The following CCSER1 variants were observed in gnomAD, a reference collection of about 807,000 sequenced individuals.
CCSER1 encodes serine-rich coiled-coil domain-containing protein 1.
Under a neutral mutation model 82.0 loss-of-function variants are expected in CCSER1, and 41 were observed. That is an observed-to-expected ratio of 0.50 (90% CI 0.39 to 0.65). CCSER1 has a LOEUF of 0.65. CCSER1 is among the 30% of genes least tolerant of loss of function. The pLI, the probability that CCSER1 is intolerant of heterozygous loss-of-function variation, is 0.00. For missense variants in CCSER1, 1,119 were observed against 1,064.2 expected (o/e 1.05, Z -0.72); for synonymous variants, 414 against 383.9 (o/e 1.08, Z -0.92).
intron 10 of CCSER1, among the ~76,000 whole-genome samples, chr4:91,125,344 A>T (rs2148898231): frequency 6.6e-6 from 1 of 151,812 alleles, no homozygotes; most frequent in South Asian, 2.1e-4. Flanking sequence ...TGGCAATTTT[A>T]TTTTTAGTAG....
rs536297250 is a variant in CCSER1 at position 90,589,639 on chromosome 4, CTATAA to C, written c.1725-38382_1725-38378del. Among the ~76,000 whole-genome samples, 171 of 152,022 alleles carry C rather than the reference CTATAA, an allele frequency of 1.1e-3. 1 individual carries two copies. The highest frequency in any genetic ancestry group is 5.8e-3 in the South Asian group (28 of 4,826). On this transcript the variant is annotated intron_variant, in intron 5 of 10. Coordinates refer to ENST00000509176, the MANE Select transcript of CCSER1 (RefSeq NM_001145065.2). Reference sequence around the variant, plus strand: ...TTACATTTATTATGATAAAATGTTGCTATAATATGAGTTCATTATATGAAGCTCTG... The same window carrying C: ...TTACATTTATTATGATAAAATGTTGCTATGAGTTCATTATATGAAGCTCTG...
intron 10 of CCSER1, among the ~76,000 whole-genome samples, chr4:91,550,431 C>T (rs1472726495): frequency 1.3e-5 from 2 of 152,156 alleles, no homozygotes; most frequent in African/African-American, 4.8e-5. Context: ...GAAGTTTCTG[C>T]TCTGATAAGT....
intron 9 of CCSER1, among the ~76,000 whole-genome samples, chr4:90,953,211 A>T (rs946006373): frequency 6.6e-6 from 1 of 152,000 alleles, no homozygotes; most frequent in Admixed American, 6.6e-5. Context: ...TTGGCATATT[A>T]GTGGCAAAGT....
At chr4:91,567,356 T>A (rs975314296) in intron 10 of CCSER1, among the ~76,000 whole-genome samples, 27 of 152,152 alleles carry the variant, frequency 1.8e-4, no homozygotes, top group Non-Finnish European at 2.6e-4. Context: ...ATGTATATTT[T>A]GTTGTTTTAA....
chr4:90,333,437 A>G (rs1447905632), intron 3 of CCSER1, among the ~76,000 whole-genome samples: 3 of 152,194 alleles, frequency 2.0e-5, no homozygotes, highest in Non-Finnish European at 2.9e-5. Context: ...AAACGAAACA[A>G]AAAAAGAAAT....
At chr4:90,666,372 A>G (rs4693245) in intron 6 of CCSER1, among the ~76,000 whole-genome samples, 69,773 of 152,026 alleles carry the variant, frequency 0.46, 16,413 homozygotes, top group Middle Eastern at 0.59. Flanking sequence ...TCTGCCTACC[A>G]TGGTGGTTGA....
intron 10 of CCSER1, among the ~76,000 whole-genome samples, chr4:91,321,891 C>G (rs796712489): frequency 2.0e-5 from 3 of 151,976 alleles, no homozygotes; most frequent in African/African-American, 7.2e-5. Flanking sequence ...AAAAGTTTTC[C>G]TTTTACAAGT....
At position 91,221,018 on chromosome 4, in the gene CCSER1, A is replaced by G. The variant is rs185610374; in HGVS notation, c.2217+135024A>G. Among the ~76,000 whole-genome samples, 30 of 152,286 alleles carry G rather than the reference A, an allele frequency of 2.0e-4. No individual in the cohort carries two copies. The East Asian group carries it at 5.4e-3, about 27-fold the overall frequency. On this transcript the variant is annotated intron_variant, in intron 10 of 10. Transcript: ENST00000509176. ...ATATATTAATTTAGTTAAATAAACT[A>G]AAATCTCTAGGGATTAAGCTACCTT...
intron 3 of CCSER1, among the ~76,000 whole-genome samples, chr4:90,392,816 A>G (rs1332439011): frequency 6.6e-6 from 1 of 152,190 alleles, no homozygotes; most frequent in Non-Finnish European, 1.5e-5. Context: ...TGTGGCTGCT[A>G]TGCTGAGAGT....
intron 5 of CCSER1, among the ~76,000 whole-genome samples, chr4:90,569,044 G>T (rs1037127447): frequency 5.9e-5 from 9 of 151,960 alleles, no homozygotes; most frequent in African/African-American, 1.9e-4. Flanking sequence ...GAGCCACCAT[G>T]CCTGGCCTCT....
intron 10 of CCSER1, among the ~76,000 whole-genome samples, chr4:91,384,268 A>G (rs1022664813): frequency 5.9e-5 from 9 of 152,056 alleles, no homozygotes; most frequent in African/African-American, 2.2e-4. Context: ...GAGTGAATCC[A>G]TGGTTGACAA....
At chr4:91,380,102 G>A (rs1012442280) in intron 10 of CCSER1, among the ~76,000 whole-genome samples, 25 of 152,120 alleles carry the variant, frequency 1.6e-4, no homozygotes, top group African/African-American at 6.0e-4. Context: ...TTGCACTGTG[G>A]TCTGAGAGAC....
At chr4:90,994,720 A>G (rs1210666442) in intron 9 of CCSER1, among the ~76,000 whole-genome samples, 2 of 152,186 alleles carry the variant, frequency 1.3e-5, no homozygotes, top group Non-Finnish European at 2.9e-5. Flanking sequence ...CCAATATGCT[A>G]AACATATGCT....
intron 5 of CCSER1, among the ~76,000 whole-genome samples, chr4:90,478,884 G>A (rs1028085546): frequency 6.6e-6 from 1 of 151,804 alleles, no homozygotes; most frequent in African/African-American, 2.4e-5. Context: ...GGGATTATAG[G>A]CACGTGCCAC....
chr4:91,207,135 T>TATC, intron 10 of CCSER1, among the ~76,000 whole-genome samples: 1 of 151,952 alleles, frequency 6.6e-6, no homozygotes, highest in Admixed American at 6.6e-5. Flanking sequence ...TAGTTTGATA[T>TATC]ATCATTGGAT....
chr4:90,539,051 T>C (rs1487430703), intron 5 of CCSER1, among the ~76,000 whole-genome samples: 1 of 152,076 alleles, frequency 6.6e-6, no homozygotes, highest in Non-Finnish European at 1.5e-5. Flanking sequence ...GTATAATTTC[T>C]ATCATAACTT....
At chr4:91,142,939 T>G (rs1729176916) in intron 10 of CCSER1, among the ~76,000 whole-genome samples, 1 of 139,778 alleles carries the variant, frequency 7.2e-6, no homozygotes, top group Admixed American at 7.4e-5. Flanking sequence ...TTCTTTTTGC[T>G]TAGGGTTAAT....
chr4:91,168,182 C>T (rs377081043), intron 10 of CCSER1, among the ~76,000 whole-genome samples: 13 of 116,810 alleles, frequency 1.1e-4, no homozygotes, highest in African/African-American at 4.0e-4. Flanking sequence ...GGCCGCCCAT[C>T]GTCTGGGAAG....
intron 4 of CCSER1, among the ~76,000 whole-genome samples, chr4:90,433,147 C>T (rs943619024): frequency 6.6e-6 from 1 of 152,070 alleles, no homozygotes; most frequent in South Asian, 2.1e-4. Flanking sequence ...TGGATGTTTA[C>T]GAGGCCTCTG....
Sources: gnomAD v4.1 joint callset for allele counts (sites outside exome capture counted in the v4.1 genomes callset) on GRCh38, gnomAD v4.1.1 for gene constraint, MANE v1.5 for transcripts, NCBI Gene and HGNC (gene_info 2026-07-23, HGNC 2026-07-21) for gene names.